The following RBFOX1 variants were observed in gnomAD, a reference collection of about 807,000 sequenced individuals.
RBFOX1 encodes the protein RNA binding protein fox-1 homolog 1.
RBFOX1 carries 8 observed loss-of-function variants against 57.7 expected under a neutral mutation model. The ratio of observed to expected loss-of-function variants is 0.14; its 90% CI spans 0.08 to 0.25. The LOEUF (loss-of-function observed/expected upper bound fraction) is 0.25. RBFOX1 is among the 10% of genes least tolerant of loss of function. The probability of loss-of-function intolerance (pLI) is 1.00; values close to 1 mark genes in which losing one functional copy is unlikely to be tolerated. For missense variants in RBFOX1, 611 were observed against 548.5 expected (o/e 1.11, Z -1.14); for synonymous variants, 326 against 222.4 (o/e 1.47, Z -4.15).
chr16:7,145,400 T>TTTCTCTA (rs1251775736), intron 4 of RBFOX1, among the ~76,000 whole-genome samples: 1 of 152,076 alleles, frequency 6.6e-6, no homozygotes, highest in Non-Finnish European at 1.5e-5. Flanking sequence ...ACAGACGGGG[T>TTTCTCTA]TTCACCATGT....
intron 4 of RBFOX1, among the ~76,000 whole-genome samples, chr16:7,202,505 C>T (rs771765518): frequency 4.6e-5 from 7 of 152,124 alleles, no homozygotes; most frequent in Non-Finnish European, 2.9e-5. Context: ...GAATGTAGAG[C>T]AGGGGTCCCC....
intron 3 of RBFOX1, among the ~76,000 whole-genome samples, chr16:5,636,131 T>C (rs2048676048): frequency 6.6e-6 from 1 of 152,126 alleles, no homozygotes; most frequent in African/African-American, 2.4e-5. Context: ...GTGGATCACC[T>C]GAGGTCAGGA....
intron 3 of RBFOX1, among the ~76,000 whole-genome samples, chr16:5,742,171 G>A (rs2151593465): frequency 6.6e-6 from 1 of 152,066 alleles, no homozygotes; most frequent in South Asian, 2.1e-4. Context: ...GGGAAATTTG[G>A]GCATATCCGT....
chr16:6,919,272 G>A (rs1329677051), intron 3 of RBFOX1, among the ~76,000 whole-genome samples: 1 of 152,116 alleles, frequency 6.6e-6, no homozygotes. Flanking sequence ...ACAGGTGTGA[G>A]CCATGGCGCC....
intron 4 of RBFOX1, among the ~76,000 whole-genome samples, chr16:7,373,719 C>T (rs115041326): frequency 6.6e-6 from 1 of 152,288 alleles, no homozygotes; most frequent in Admixed American, 6.5e-5. Context: ...TTGATCATTG[C>T]AATAGTTGAT....
At chr16:5,326,609 C>A (rs1053044508) in intron 1 of RBFOX1, among the ~76,000 whole-genome samples, 11 of 152,158 alleles carry the variant, frequency 7.2e-5, no homozygotes, top group African/African-American at 2.7e-4. Flanking sequence ...TTCATTTTTC[C>A]TAGCTAGATT....
chr16:6,696,955 C>G (rs1452976848), intron 3 of RBFOX1, among the ~76,000 whole-genome samples: 3 of 152,162 alleles, frequency 2.0e-5, no homozygotes, highest in Non-Finnish European at 2.9e-5. Flanking sequence ...ATGCCTGTAG[C>G]CTCTAGTTGA....
intron 2 of RBFOX1, among the ~76,000 whole-genome samples, chr16:6,648,418 A>T (rs12917836): frequency 0.21 from 32,017 of 151,866 alleles, 3,429 homozygotes; most frequent in African/African-American, 0.23. Context: ...GAAGTTCCTC[A>T]TACTCCCCTT....
intron 3 of RBFOX1, among the ~76,000 whole-genome samples, chr16:6,815,206 A>T (rs778640455): frequency 6.6e-6 from 1 of 152,166 alleles, no homozygotes. Flanking sequence ...TATAATTAGC[A>T]TATAGTGAAG....
intron 3 of RBFOX1, among the ~76,000 whole-genome samples, chr16:6,867,329 T>G (rs1303816060): frequency 6.6e-6 from 1 of 152,040 alleles, no homozygotes; most frequent in East Asian, 1.9e-4. Flanking sequence ...TGATGATGGT[T>G]TTGTACAAGG....
chr16:6,085,327 C>T lies in RBFOX1; in HGVS notation c.-127+65335C>T, dbSNP rs902659938. Among the ~76,000 whole-genome samples, 6 of 152,348 alleles carry T rather than the reference C, an allele frequency of 3.9e-5. No homozygotes were observed. In the East Asian group the frequency reaches 1.2e-3, roughly 29 times the overall value. On this transcript the variant is annotated intron_variant, in intron 1 of 15. Coordinates refer to ENST00000550418, the MANE Select transcript of RBFOX1 (RefSeq NM_018723.4). ...CGCTCTTGTTGCCCAGGCTGAAGTGCAGTGGTACGATCTTGGCTCACTGCA... is the reference window on the plus strand; with the variant it reads ...CGCTCTTGTTGCCCAGGCTGAAGTGTAGTGGTACGATCTTGGCTCACTGCA...
At chr16:7,031,872 C>A (rs528851923) in intron 3 of RBFOX1, among the ~76,000 whole-genome samples, 10 of 152,242 alleles carry the variant, frequency 6.6e-5, no homozygotes, top group Non-Finnish European at 1.5e-4. Context: ...AGCTCCACTA[C>A]CTTGCCTTCT....
chr16:6,729,830 C>A (rs1043958488), intron 3 of RBFOX1, among the ~76,000 whole-genome samples: 1 of 152,084 alleles, frequency 6.6e-6, no homozygotes, highest in African/African-American at 2.4e-5. Context: ...CTGGTAAATG[C>A]TGAAGTATCG....
rs1019820732 is a variant in RBFOX1, at chr16:6,784,472, A to G, written c.-16+129822A>G. ...ATTTCTGTTTGATTTTTTTGTTATT[A>G]TAATCTCTTTGCTAGATTTATCTGA... On this transcript the variant is annotated intron_variant, in intron 3 of 15. Coordinates refer to ENST00000550418, the MANE Select transcript of RBFOX1 (RefSeq NM_018723.4). 2.0e-4 allele frequency among the ~76,000 whole-genome samples: 30 copies of G among 152,002 alleles called. 1 individual carries two copies. Among genetic ancestry groups the G allele is most frequent in the Admixed American group, 2.0e-3 (30 of 15,258 alleles).
At chr16:5,791,405 C>T (rs2164510) in intron 3 of RBFOX1, among the ~76,000 whole-genome samples, 40,613 of 152,040 alleles carry the variant, frequency 0.27, 5,830 homozygotes, top group East Asian at 0.55. Context: ...TACATGCAAT[C>T]GCTTTTTAAT....
At chr16:5,872,958 C>T (rs942821440) in intron 4 of RBFOX1, among the ~76,000 whole-genome samples, 1 of 152,084 alleles carries the variant, frequency 6.6e-6, no homozygotes, top group Non-Finnish European at 1.5e-5. Flanking sequence ...CCAGACCATT[C>T]TGGCCAACAT....
chr16:6,733,108 G>T (rs1198593535), intron 3 of RBFOX1, among the ~76,000 whole-genome samples: 1 of 152,140 alleles, frequency 6.6e-6, no homozygotes, highest in African/African-American at 2.4e-5. Context: ...AGAAATATAT[G>T]AATATAAGCA....
intron 1 of RBFOX1, among the ~76,000 whole-genome samples, chr16:5,330,781 A>G (rs908641266): frequency 1.3e-5 from 2 of 151,414 alleles, no homozygotes; most frequent in African/African-American, 4.9e-5. Context: ...ATGTTAAAAG[A>G]GCACTGTTTC....
intron 1 of RBFOX1, chr16:6,092,480 G>A (rs1030480963): frequency 6.6e-6 from 1 of 152,190 alleles, no homozygotes; most frequent in Non-Finnish European, 1.5e-5. Context: ...TGTTAACTCT[G>A]TGGACTAGAC....
Sources: gnomAD v4.1 joint callset for allele counts (sites outside exome capture counted in the v4.1 genomes callset) on GRCh38, gnomAD v4.1.1 for gene constraint, MANE v1.5 for transcripts, NCBI Gene and HGNC (gene_info 2026-07-23, HGNC 2026-07-21) for gene names.